Variants in PITPNC1 observed in about 807,000 individuals in gnomAD.
The protein encoded by PITPNC1 is phosphatidylinositol transfer protein cytoplasmic 1.
PITPNC1 carries 18 observed loss-of-function variants against 44.7 expected under a neutral mutation model. The observed-to-expected ratio is 0.40, with a 90% CI of 0.28 to 0.60. The LOEUF is 0.60. Among genes scored for constraint, PITPNC1 ranks in the 20% least tolerant of loss-of-function variants. PITPNC1 has a pLI of 0.39. For missense variants in PITPNC1, 290 were observed against 418.4 expected (o/e 0.69, Z 2.68); for synonymous variants, 141 against 149.6 (o/e 0.94, Z 0.42).
At chr17:67,442,413 C>G (rs933659457) in intron 1 of PITPNC1, among the ~76,000 whole-genome samples, 1 of 150,610 alleles carries the variant, frequency 6.6e-6, no homozygotes, top group Non-Finnish European at 1.5e-5. Flanking sequence ...TGGGAGATGA[C>G]GAGGGTGGGA....
At chr17:67,655,404 A>C (rs1222721037) in intron 6 of PITPNC1, among the ~76,000 whole-genome samples, 4 of 151,670 alleles carry the variant, frequency 2.6e-5, no homozygotes, top group Admixed American at 6.6e-5. Context: ...TAAAAACACA[A>C]AAAAAATTAG....
At chr17:67,379,181 A>G (rs1292018361) in intron 1 of PITPNC1, 1 of 985,592 alleles carries the variant, frequency 1.0e-6, no homozygotes, top group Non-Finnish European at 1.2e-6. Context: ...CGTGAAACTC[A>G]CTAGTGTGGT....
intron 7 of PITPNC1, among the ~76,000 whole-genome samples, chr17:67,670,925 AGGCTGGAGTACAGT>A (rs1368605309): frequency 1.3e-5 from 2 of 151,932 alleles, no homozygotes; most frequent in Non-Finnish European, 2.9e-5. Context: ...CTCTGTCGCC[AGGCTGGAGTACAGT>A]GGCACAATCT....
intron 1 of PITPNC1, among the ~76,000 whole-genome samples, chr17:67,434,707 GGAGGCT>G (rs2038907510): frequency 6.6e-6 from 1 of 151,710 alleles, no homozygotes; most frequent in African/African-American, 2.4e-5. Flanking sequence ...CAGCTACTCA[GGAGGCT>G]GAGGTGGGAG....
At chr17:67,446,607 AAG>A (rs2039099267) in intron 1 of PITPNC1, among the ~76,000 whole-genome samples, 2 of 151,624 alleles carry the variant, frequency 1.3e-5, no homozygotes, top group Admixed American at 6.6e-5. Context: ...TAGGAGGACA[AAG>A]AGAGATACTT....
intron 1 of PITPNC1, among the ~76,000 whole-genome samples, chr17:67,492,732 C>T (rs1015926064): frequency 6.6e-6 from 1 of 152,138 alleles, no homozygotes; most frequent in Non-Finnish European, 1.5e-5. Context: ...AGGTTTTATG[C>T]CATTTGAACA....
chr17:67,379,076 C>G (rs1406429015), intron 1 of PITPNC1: 59 of 985,798 alleles, frequency 6.0e-5, no homozygotes, highest in Non-Finnish European at 7.0e-5. Flanking sequence ...GCTTCCCTTT[C>G]TTCCCCTTCT....
intron 1 of PITPNC1, among the ~76,000 whole-genome samples, chr17:67,463,605 A>G (rs910714139): frequency 1.3e-5 from 2 of 152,170 alleles, no homozygotes; most frequent in African/African-American, 4.8e-5. Flanking sequence ...ATGGAAAGAT[A>G]TTTTATGTGT....
intron 1 of PITPNC1, among the ~76,000 whole-genome samples, chr17:67,521,392 C>A (rs911489305): frequency 2.6e-5 from 4 of 152,160 alleles, no homozygotes; most frequent in Non-Finnish European, 1.5e-5. Context: ...AAACAAGACA[C>A]CTCCGAGGGC....
At chr17:67,481,324 C>G (rs530897665) in intron 1 of PITPNC1, among the ~76,000 whole-genome samples, 88 of 152,344 alleles carry the variant, frequency 5.8e-4, no homozygotes, top group African/African-American at 2.1e-3. Flanking sequence ...CATATCACTC[C>G]TGCTCCCAGC....
In PITPNC1 at chr17:67,676,699, G is replaced by A. The variant is rs991986180; in HGVS notation, c.682+1157G>A. Among the ~76,000 whole-genome samples, 2 of 152,070 alleles carry A rather than the reference G, an allele frequency of 1.3e-5. No individual in the cohort carries two copies. Among genetic ancestry groups the A allele is most frequent in the African/African-American group, 4.8e-5 (2 of 41,396 alleles). On this transcript the variant is annotated intron_variant, in intron 8 of 8. Coordinates refer to ENST00000581322, the MANE Select transcript of PITPNC1 (RefSeq NM_012417.4). This position sits in a 1 kb window ranked among gnomAD's most constrained non-coding sequence, Gnocchi z 4.0. Reference sequence around the variant, plus strand: ...ACCAACTCCCTCCCTTTTCTGAGCAGAAGGTACCAAAGTAAAAGGACACGT... The same window carrying A: ...ACCAACTCCCTCCCTTTTCTGAGCAAAAGGTACCAAAGTAAAAGGACACGT...
chr17:67,388,372 G>C (rs1025949484), intron 1 of PITPNC1, among the ~76,000 whole-genome samples: 1 of 150,378 alleles, frequency 6.6e-6, no homozygotes, highest in Non-Finnish European at 1.5e-5. Flanking sequence ...TGTTGCCCAG[G>C]CTGGAGTGCA....
chr17:67,505,797 G>T (rs984651017), intron 1 of PITPNC1, among the ~76,000 whole-genome samples: 1 of 152,194 alleles, frequency 6.6e-6, no homozygotes, highest in South Asian at 2.1e-4. Context: ...GAGAACACCT[G>T]TAGGGAGTGT....
chr17:67,539,566 C>A (rs958424428), intron 2 of PITPNC1, among the ~76,000 whole-genome samples: 2 of 152,212 alleles, frequency 1.3e-5, no homozygotes, highest in Non-Finnish European at 2.9e-5. Context: ...AGTCCCGGCA[C>A]GATGGCTCAC....
chr17:67,510,389 C>T (rs2040168274), intron 1 of PITPNC1, among the ~76,000 whole-genome samples: 1 of 152,312 alleles, frequency 6.6e-6, no homozygotes, highest in Non-Finnish European at 1.5e-5. Flanking sequence ...CTGATGTGCG[C>T]ACCCCTTTCC....
In PITPNC1 at chr17:67,508,150, G is replaced by A. The variant is rs568581790; in HGVS notation, c.49-24652G>A. On this transcript the variant is annotated intron_variant, in intron 1 of 8. Transcript: ENST00000581322. This position sits in a 1 kb window ranked among gnomAD's most constrained non-coding sequence, Gnocchi z 4.2. ...ATGTCCTCATGAAATTTGCAAAGCT[G>A]TTACCAGAAAGGGGCCCTGATCCAG... Among the ~76,000 whole-genome samples, 16 of 152,274 alleles carry A rather than the reference G, an allele frequency of 1.1e-4. No individual in the cohort carries two copies. The highest frequency in any genetic ancestry group is 9.2e-4 in the Admixed American group (14 of 15,294).
At chr17:67,566,717 G>A (rs138749139) in intron 4 of PITPNC1, among the ~76,000 whole-genome samples, 1 of 152,252 alleles carries the variant, frequency 6.6e-6, no homozygotes, top group East Asian at 1.9e-4. Context: ...AGCAAGGCAC[G>A]TCTATCATAT....
chr17:67,440,072 T>C (rs2038991618), intron 1 of PITPNC1, among the ~76,000 whole-genome samples: 1 of 152,160 alleles, frequency 6.6e-6, no homozygotes, highest in Non-Finnish European at 1.5e-5. Flanking sequence ...AGATTGTCTG[T>C]AGCCTTGAGC....
At chr17:67,472,751 T>A (rs762664875) in intron 1 of PITPNC1, among the ~76,000 whole-genome samples, 2 of 152,116 alleles carry the variant, frequency 1.3e-5, no homozygotes, top group Non-Finnish European at 2.9e-5. Context: ...GGCCACGGGT[T>A]GGACAAGCTT....
Sources: allele counts gnomAD v4.1 joint callset (sites outside exome capture counted in the v4.1 genomes callset), GRCh38; gene constraint gnomAD v4.1.1; non-coding constraint Gnocchi (gnomAD v3.1); transcripts MANE v1.5; gene names NCBI Gene and HGNC (gene_info 2026-07-23, HGNC 2026-07-21).